DYDC1: variants seen among roughly 807,000 people sequenced by gnomAD.
The protein encoded by DYDC1 is DPY30 domain-containing protein 1.
DYDC1 carries 21 observed loss-of-function variants against 27.9 expected under a neutral mutation model. That is an observed-to-expected ratio of 0.75 (90% CI 0.53 to 1.08). The LOEUF (loss-of-function observed/expected upper bound fraction) is 1.08. Ranked by LOEUF, DYDC1 falls within the 50% of genes least tolerant of loss-of-function variation. The pLI is 0.00. For missense variants in DYDC1, 202 were observed against 205.9 expected, an observed-to-expected ratio of 0.98 and a Z score of 0.12; for synonymous variants, 67 against 65.8, an observed-to-expected ratio of 1.02 and a Z score of -0.09.
chr10:80,337,652 C>T (rs1842177432), intron 6 of DYDC1, among the ~76,000 whole-genome samples: 2 of 152,164 alleles, frequency 1.3e-5, no homozygotes, highest in South Asian at 4.2e-4. Flanking sequence ...CCCTCCCTGC[C>T]TCACTCCCTC....
intron 3 of DYDC1, among the ~76,000 whole-genome samples, chr10:80,346,341 C>T (rs767705959): frequency 6.6e-6 from 1 of 151,710 alleles, no homozygotes; most frequent in Non-Finnish European, 1.5e-5. Flanking sequence ...TGAAATACAC[C>T]CATACCATTT....
chr10:80,352,015 A>G lies in DYDC1; in HGVS notation c.148-13T>C. 1 of 1,612,362 alleles carries G rather than the reference A, an allele frequency of 6.2e-7. No individual in the cohort carries two copies. ...TTTCCTTTTGTCTCTAGCATTGTTTAAAAACAACAGCACACGACTTCTTAG... is the reference window on the plus strand; with the variant it reads ...TTTCCTTTTGTCTCTAGCATTGTTTGAAAACAACAGCACACGACTTCTTAG... On this transcript the variant is annotated splice_polypyrimidine_tract_variant and intron_variant, in intron 2 of 6. Transcript: ENST00000372202.
At chr10:80,353,636 G>C (rs1488590065) in intron 1 of DYDC1, among the ~76,000 whole-genome samples, 4 of 151,096 alleles carry the variant, frequency 2.6e-5, no homozygotes, top group Non-Finnish European at 4.4e-5. Flanking sequence ...CGGATCACAA[G>C]GTCAGGAGAT....
intron 3 of DYDC1, among the ~76,000 whole-genome samples, chr10:80,347,810 A>G (rs1411629329): frequency 1.3e-5 from 2 of 152,176 alleles, no homozygotes; most frequent in African/African-American, 4.8e-5. Context: ...CCACTGGTCT[A>G]TGTGTCTGTT....
At chr10:80,350,807 A>C (rs1842935429) in intron 3 of DYDC1, among the ~76,000 whole-genome samples, 1 of 152,206 alleles carries the variant, frequency 6.6e-6, no homozygotes. Context: ...TCTATAAATT[A>C]AATCAGTCCA....
chr10:80,342,459 C>T, intron 3 of DYDC1, 98 bp from the exon 4 acceptor site: 1 of 1,102,778 alleles, frequency 9.1e-7, no homozygotes, highest in Non-Finnish European at 1.3e-6. Flanking sequence ...TACATGGTCA[C>T]ATCCAACTAA....
intron 4 of DYDC1, among the ~76,000 whole-genome samples, chr10:80,341,977 T>C (rs577836468): frequency 1.3e-5 from 2 of 149,200 alleles, no homozygotes; most frequent in East Asian, 3.9e-4. Flanking sequence ...TGAACCGAGA[T>C]TGTGCCATTG....
chr10:80,352,030 C>G (rs571436293), intron 2 of DYDC1, 28 bp from the exon 3 acceptor site: 36 of 1,604,044 alleles, frequency 2.2e-5, no homozygotes, highest in Non-Finnish European at 2.8e-5. Flanking sequence ...CAACAGCACA[C>G]GACTTCTTAG....
Position 80,338,288 on chromosome 10 carries a change from C to T in DYDC1, c.504+179G>A, listed in dbSNP as rs1229488566. The stretch of plus-strand genomic sequence containing the variant: ...GCCAGTGACACACTTCACAAAAGGG[C>T]AGAATGCCAATTAGGAATATAATCC... On this transcript the variant is annotated intron_variant, in intron 6 of 6. Transcript: ENST00000372202. 3.7e-6 allele frequency: 5 copies of T among 1,337,616 alleles called. No individual in the cohort carries two copies. In the East Asian group the frequency reaches 1.5e-4, roughly 39 times the overall value. 82.9% of individuals were successfully genotyped at this position (1,337,616 alleles called of 1,614,324 possible).
At chr10:80,352,355 T>C in intron 2 of DYDC1, 100 bp downstream of exon 2, 3 of 1,356,790 alleles carry the variant, frequency 2.2e-6, no homozygotes, top group Non-Finnish European at 2.9e-6. Context: ...ATAAACATTA[T>C]TTTTATAACA....
chr10:80,338,819 A>G (rs964425108), intron 5 of DYDC1, among the ~76,000 whole-genome samples: 4 of 152,242 alleles, frequency 2.6e-5, no homozygotes, highest in Non-Finnish European at 4.4e-5. Context: ...GAAATTTAAA[A>G]TAATTGTAAG....
chr10:80,352,682 A>T, intron 1 of DYDC1, 72 bp from the exon 2 acceptor site: 1 of 1,487,728 alleles, frequency 6.7e-7, no homozygotes, highest in African/African-American at 1.4e-5. Context: ...AAGTCCAGTG[A>T]GGTGAACAAA....
At chr10:80,356,516 C>G (rs1843376687) in intron 1 of DYDC1, 196 bp downstream of exon 1, 2 of 985,448 alleles carry the variant, frequency 2.0e-6, no homozygotes. Context: ...GGAGACGCAG[C>G]GCTCCCCGCT....
Position 80,338,211 on chromosome 10 carries a change from TA to T in DYDC1, c.504+255del. The T allele has an allele frequency of 3.0e-6, 3 of 985,466 alleles. No individual in the cohort carries two copies. The South Asian group carries it at 1.4e-4, about 46-fold the overall frequency. 61.0% of individuals were successfully genotyped at this position (985,466 alleles called of 1,614,324 possible). On this transcript the variant is annotated intron_variant, in intron 6 of 6. Coordinates refer to ENST00000372202, the MANE Select transcript of DYDC1 (RefSeq NM_001269053.2). ...GATTATATATTTCACAAAATGATTTTAAAACATATTTTGAAGAGGTTTTGAA... is the reference window on the plus strand; with the variant it reads ...GATTATATATTTCACAAAATGATTTTAAACATATTTTGAAGAGGTTTTGAA...
At chr10:80,356,287 T>G in intron 1 of DYDC1, 1 of 985,614 alleles carries the variant, frequency 1.0e-6, no homozygotes, top group Non-Finnish European at 1.2e-6. Context: ...AAGAAAGCCC[T>G]TTCCCACAGA....
At chr10:80,341,567 C>A (rs75419717) in intron 4 of DYDC1, among the ~76,000 whole-genome samples, 9,371 of 150,664 alleles carry the variant, frequency 0.062, 292 homozygotes, top group Middle Eastern at 0.1. Context: ...AACATAAAGA[C>A]ATATACTACT....
chr10:80,341,442 C>CAAAAAAAAAA (rs58419721), intron 4 of DYDC1, among the ~76,000 whole-genome samples: 6 of 46,780 alleles, frequency 1.3e-4, no homozygotes, highest in African/African-American at 3.4e-4. Flanking sequence ...GACTCTGTCT[C>CAAAAAAAAAA]AAAAAAAAAA....
chr10:80,338,978 A>G, intron 5 of DYDC1, 119 bp downstream of exon 5: 1 of 548,318 alleles, frequency 1.8e-6, no homozygotes, highest in Non-Finnish European at 3.1e-6. Flanking sequence ...ATATACATGG[A>G]CTATCAGTTT....
Position 80,342,313 on chromosome 10 carries a change from G to T in DYDC1, c.298C>A (p.Gln100Lys). The T allele has an allele frequency of 1.2e-6, 2 of 1,613,870 alleles. No homozygotes were observed. Among genetic ancestry groups the T allele is most frequent in the African/African-American group, 1.3e-5 (1 of 75,058 alleles). ...GCTCTCTGTAGTTCTTGTATTCTCT[G>T]CCTCTCCTTTTCTTGCATTTCCAAC... ...LELEMQEKER[Q>K]RIQELQRAQE... Residue 100 changes from glutamine (Q) to lysine (K), a missense_variant, in exon 4 of 7, where the codon CAG (glutamine) becomes AAG (lysine). By Grantham distance (53) the Gln-to-Lys change is moderately conservative. Coordinates refer to ENST00000372202, the MANE Select transcript of DYDC1 (RefSeq NM_001269053.2).
Sources: gnomAD v4.1 joint callset for allele counts (sites outside exome capture counted in the v4.1 genomes callset) on GRCh38, gnomAD v4.1.1 for gene constraint, MANE v1.5 for transcripts, NCBI Gene and HGNC (gene_info 2026-07-23, HGNC 2026-07-21) for gene names.